Variants in LARP4B observed in about 807,000 individuals in gnomAD.
LARP4B encodes la-related protein 4B.
LARP4B carries 12 observed loss-of-function variants against 89.8 expected under a neutral mutation model. The observed-to-expected ratio is 0.13, with a 90% CI of 0.09 to 0.22. The LOEUF (loss-of-function observed/expected upper bound fraction) is 0.22, where lower values mean the gene tolerates loss of function less well. Ranked by LOEUF, LARP4B falls within the 10% of genes least tolerant of loss-of-function variation. The probability of loss-of-function intolerance (pLI) is 1.00; values close to 1 mark genes in which losing one functional copy is unlikely to be tolerated. For synonymous variants in LARP4B, 367 were observed against 363.3 expected (o/e 1.01, Z -0.12); for missense variants, 757 against 947.7 (o/e 0.80, Z 2.64).
intron 8 of LARP4B, among the ~76,000 whole-genome samples, chr10:834,459 T>C (rs556919010): frequency 2.0e-4 from 30 of 152,336 alleles, no homozygotes; most frequent in African/African-American, 7.0e-4. Context: ...AAGTACCTAG[T>C]GACATTTAAA....
At chr10:824,950 G>T in intron 13 of LARP4B, 115 bp downstream of exon 13, 1 of 1,073,886 alleles carries the variant, frequency 9.3e-7, no homozygotes, top group Non-Finnish European at 1.3e-6. Flanking sequence ...TATGTTTATA[G>T]CCTTCAGTTA....
rs116957026 is a variant in LARP4B at position 861,543 on chromosome 10, C to A, written c.430+2200G>T. On this transcript the variant is annotated intron_variant, in intron 5 of 17. Coordinates refer to ENST00000316157, the MANE Select transcript of LARP4B (RefSeq NM_015155.3). Reference sequence around the variant, plus strand: ...TAAATACCCCTTTTAAAAAGAATCACCTTTTGAAATTAAACTTTCCAGAAT... The same window carrying A: ...TAAATACCCCTTTTAAAAAGAATCAACTTTTGAAATTAAACTTTCCAGAAT... Among the ~76,000 whole-genome samples the A allele has an allele frequency of 8.5e-5, 13 of 152,204 alleles. No individual in the cohort carries two copies. The East Asian group carries it at 2.5e-3, about 29-fold the overall frequency.
At chr10:871,752 T>C (rs1324587696) in intron 3 of LARP4B, among the ~76,000 whole-genome samples, 2 of 152,154 alleles carry the variant, frequency 1.3e-5, no homozygotes, top group East Asian at 1.9e-4. Flanking sequence ...ACTGCAGTGA[T>C]AGGCCTCTTA....
the LARP4B span, among the ~76,000 whole-genome samples, chr10:969,760 G>T: frequency 6.6e-6 from 1 of 152,112 alleles, no homozygotes; most frequent in Non-Finnish European, 1.5e-5. Context: ...AGGAGAAAAA[G>T]AACTGCTCTG....
At chr10:851,409 C>G (rs975966351) in intron 5 of LARP4B, among the ~76,000 whole-genome samples, 2 of 152,118 alleles carry the variant, frequency 1.3e-5, no homozygotes, top group African/African-American at 4.8e-5. Context: ...GTCTTGAACT[C>G]TTGACCTCAC....
chr10:960,031 G>A, the LARP4B span, among the ~76,000 whole-genome samples: 1 of 152,080 alleles, frequency 6.6e-6, no homozygotes, highest in African/African-American at 2.4e-5. Flanking sequence ...TGCAGTTGTT[G>A]GAAACAAGAT....
the LARP4B span, among the ~76,000 whole-genome samples, chr10:952,414 A>C: frequency 6.8e-6 from 1 of 147,724 alleles, no homozygotes; most frequent in Non-Finnish European, 1.5e-5. Context: ...CAACCTTTAA[A>C]AGGAAGAAAT....
intron 8 of LARP4B, among the ~76,000 whole-genome samples, chr10:832,105 G>A (rs541143348): frequency 1.3e-5 from 2 of 152,174 alleles, no homozygotes; most frequent in East Asian, 1.9e-4. Flanking sequence ...GTTCAGTGGC[G>A]CTATCTCGGC....
At chr10:863,995 G>A (rs575536254) in intron 4 of LARP4B, 112 bp from the exon 5 acceptor site, 9 of 1,542,150 alleles carry the variant, frequency 5.8e-6, no homozygotes, top group East Asian at 2.3e-5. Flanking sequence ...AGACCTCTGG[G>A]CTCTCAAGCA....
chr10:938,305 C>T, the LARP4B span, among the ~76,000 whole-genome samples: 73 of 148,324 alleles, frequency 4.9e-4, no homozygotes, highest in African/African-American at 1.6e-3. Flanking sequence ...GGCTGGAGTG[C>T]AGTGGTGTGA....
At chr10:976,919 C>T in the LARP4B span, among the ~76,000 whole-genome samples, 16 of 144,780 alleles carry the variant, frequency 1.1e-4, no homozygotes, top group South Asian at 4.4e-4. Context: ...AGGCCTGTCA[C>T]GTAATGTGCA....
intron 5 of LARP4B, among the ~76,000 whole-genome samples, chr10:861,234 G>A (rs889489750): frequency 1.3e-5 from 2 of 152,170 alleles, no homozygotes; most frequent in South Asian, 2.1e-4. Context: ...TGGGATGTTC[G>A]TGATCTTGAT....
At chr10:922,084 G>T (rs1836994995) in intron 1 of LARP4B, among the ~76,000 whole-genome samples, 1 of 152,170 alleles carries the variant, frequency 6.6e-6, no homozygotes, top group Non-Finnish European at 1.5e-5. Flanking sequence ...AGGGGTCAGG[G>T]GGTGGGGGGT....
chr10:967,086 G>C, the LARP4B span, among the ~76,000 whole-genome samples: 1 of 152,212 alleles, frequency 6.6e-6, no homozygotes, highest in Non-Finnish European at 1.5e-5. Flanking sequence ...CCGGGATCAC[G>C]GAACAATGTG....
At chr10:904,751 T>C (rs1385629895) in intron 1 of LARP4B, among the ~76,000 whole-genome samples, 1 of 152,176 alleles carries the variant, frequency 6.6e-6, no homozygotes, top group Non-Finnish European at 1.5e-5. Flanking sequence ...GCTGGTTAGT[T>C]ACCCGAGCAC....
the LARP4B span, among the ~76,000 whole-genome samples, chr10:974,492 C>T: frequency 1.3e-5 from 2 of 152,164 alleles, no homozygotes; most frequent in East Asian, 1.9e-4. Context: ...TTCCGGGCCT[C>T]GGTTTCCTTA....
intron 3 of LARP4B, among the ~76,000 whole-genome samples, chr10:879,013 T>A (rs1342459646): frequency 6.6e-6 from 1 of 152,242 alleles, no homozygotes. Context: ...TCTGTCACAC[T>A]TCCACAACAA....
chr10:843,996 G>A (rs1833655805), intron 6 of LARP4B, among the ~76,000 whole-genome samples: 1 of 152,212 alleles, frequency 6.6e-6, no homozygotes, highest in African/African-American at 2.4e-5. Context: ...GAATTCTCAA[G>A]GCATCATGTA....
chr10:914,154 G>T (rs2132029057), intron 1 of LARP4B, among the ~76,000 whole-genome samples: 1 of 152,246 alleles, frequency 6.6e-6, no homozygotes, highest in South Asian at 2.1e-4. Flanking sequence ...AGAAATTGTT[G>T]TCATGTGGTA....
Sources: gnomAD v4.1 joint callset for allele counts (sites outside exome capture counted in the v4.1 genomes callset) on GRCh38, gnomAD v4.1.1 for gene constraint, MANE v1.5 for transcripts, NCBI Gene and HGNC (gene_info 2026-07-23, HGNC 2026-07-21) for gene names.